Variants in ARHGAP42 observed in about 807,000 individuals in gnomAD.
The protein encoded by ARHGAP42 is Rho GTPase activating protein 42.
Under a neutral mutation model 125.0 loss-of-function variants are expected in ARHGAP42, and 63 were observed. The observed-to-expected ratio is 0.50, with a 90% CI of 0.41 to 0.62. The LOEUF (loss-of-function observed/expected upper bound fraction) is 0.62. Among genes scored for constraint, ARHGAP42 ranks in the 20% least tolerant of loss-of-function variants. ARHGAP42 has a pLI of 0.00. For synonymous variants in ARHGAP42, 339 were observed against 351.0 expected (o/e 0.97, Z 0.38); for missense variants, 766 against 1,024.2 (o/e 0.75, Z 3.44).
At chr11:100,883,901 A>G (rs1866020694) in intron 4 of ARHGAP42, among the ~76,000 whole-genome samples, 2 of 152,184 alleles carry the variant, frequency 1.3e-5, no homozygotes, top group African/African-American at 4.8e-5. Flanking sequence ...GTGTATTTTT[A>G]GAAGTTGGTA....
intron 3 of ARHGAP42, among the ~76,000 whole-genome samples, chr11:100,807,405 A>G (rs2135053402): frequency 6.6e-6 from 1 of 152,188 alleles, no homozygotes; most frequent in African/African-American, 2.4e-5. Context: ...CACGTTGGCA[A>G]GGTTGGTCTC....
In ARHGAP42 at chr11:100,715,847, A is replaced by C. The variant is rs371518717; in HGVS notation, c.154+28015A>C. Among the ~76,000 whole-genome samples, 3 of 152,334 alleles carry C rather than the reference A, an allele frequency of 2.0e-5. 1 individual carries two copies. Reference sequence around the variant, plus strand: ...GAAGCAATGATTTATATTCTTAGGAAGCTTACAACGAAACATAATACAGAT... The same window carrying C: ...GAAGCAATGATTTATATTCTTAGGACGCTTACAACGAAACATAATACAGAT... On this transcript the variant is annotated intron_variant, in intron 1 of 23. Coordinates refer to ENST00000298815, the MANE Select transcript of ARHGAP42 (RefSeq NM_152432.4).
chr11:100,920,854 C>G (rs1183185407), intron 5 of ARHGAP42, among the ~76,000 whole-genome samples: 2 of 151,964 alleles, frequency 1.3e-5, no homozygotes, highest in Non-Finnish European at 2.9e-5. Context: ...CCAGTATTAC[C>G]TAAGATCTTA....
intron 3 of ARHGAP42, among the ~76,000 whole-genome samples, chr11:100,831,305 G>A (rs886758306): frequency 3.3e-5 from 5 of 152,034 alleles, no homozygotes; most frequent in Non-Finnish European, 5.9e-5. Context: ...TATTAAACAA[G>A]GTTTTCATTA....
At chr11:100,948,556 A>G (rs1310603992) in intron 11 of ARHGAP42, 21 bp downstream of exon 11, 4 of 1,528,108 alleles carry the variant, frequency 2.6e-6, no homozygotes, top group East Asian at 4.9e-5. Context: ...GACACATTCT[A>G]TAATTTAGGT....
chr11:100,743,791 G>A (rs370846843), intron 1 of ARHGAP42, among the ~76,000 whole-genome samples: 10 of 152,224 alleles, frequency 6.6e-5, no homozygotes, highest in African/African-American at 2.4e-4. Context: ...TTATTTGAGT[G>A]GGTTAATTTG....
chr11:100,822,330 C>T (rs943143891), intron 3 of ARHGAP42, among the ~76,000 whole-genome samples: 51 of 152,076 alleles, frequency 3.4e-4, no homozygotes, highest in Admixed American at 2.8e-3. Context: ...ATTTTTCTAT[C>T]ATTAGTGTCC....
intron 1 of ARHGAP42, 49 bp from the exon 2 acceptor site, chr11:100,770,294 T>G (rs892235472): frequency 8.1e-7 from 1 of 1,240,170 alleles, no homozygotes; most frequent in African/African-American, 1.5e-5. Flanking sequence ...CTCATTCGGA[T>G]TCAGTGGAAC....
chr11:100,854,951 G>A (rs771549017), intron 3 of ARHGAP42, among the ~76,000 whole-genome samples: 5 of 152,076 alleles, frequency 3.3e-5, no homozygotes, highest in African/African-American at 7.2e-5. Flanking sequence ...CGTCGAAGAC[G>A]GTGTAGATAG....
At chr11:100,811,964 AT>A (rs1290078065) in intron 3 of ARHGAP42, among the ~76,000 whole-genome samples, 1 of 152,018 alleles carries the variant, frequency 6.6e-6, no homozygotes, top group Non-Finnish European at 1.5e-5. Flanking sequence ...TTAATGTTAT[AT>A]TTTTATTGCT....
rs1858790622 is a variant in ARHGAP42, at chr11:100,990,039, T to C, written c.*1238T>C. On this transcript the variant is annotated 3_prime_UTR_variant, in exon 24 of 24. Coordinates refer to ENST00000298815, the MANE Select transcript of ARHGAP42 (RefSeq NM_152432.4). ...TCAGTGAATTTGTAGAGCATAGTAA[T>C]AGGTATTTACTGTCCACTTATATAT... The C allele has an allele frequency of 6.6e-6, 1 of 152,222 alleles. No individual in the cohort carries two copies. The highest frequency in any genetic ancestry group is 2.1e-4 in the South Asian group (1 of 4,836). 9.4% of individuals were successfully genotyped at this position (152,222 alleles called of 1,614,324 possible). A position where few individuals can be genotyped will look rare whatever the true frequency, so the allele number is the denominator to read the frequency against.
chr11:100,713,547 T>C (rs1861599223), intron 1 of ARHGAP42, among the ~76,000 whole-genome samples: 1 of 152,202 alleles, frequency 6.6e-6, no homozygotes, highest in South Asian at 2.1e-4. Context: ...ATTAATTCAT[T>C]TTTCAGCTAA....
At chr11:100,944,713 G>A (rs1468320307) in intron 10 of ARHGAP42, among the ~76,000 whole-genome samples, 2 of 151,972 alleles carry the variant, frequency 1.3e-5, no homozygotes, top group Non-Finnish European at 2.9e-5. Context: ...TCCATTAAGT[G>A]TGCAATAGCA....
chr11:100,785,490 G>A (rs900624784), intron 2 of ARHGAP42, among the ~76,000 whole-genome samples: 1 of 152,206 alleles, frequency 6.6e-6, no homozygotes, highest in African/African-American at 2.4e-5. Flanking sequence ...TTGTGGGTGT[G>A]TGAATTACAG....
At chr11:100,707,121 T>A (rs188210698) in intron 1 of ARHGAP42, among the ~76,000 whole-genome samples, 5 of 152,358 alleles carry the variant, frequency 3.3e-5, no homozygotes, top group African/African-American at 1.2e-4. Flanking sequence ...GATATATGAA[T>A]GCACCAAATT....
chr11:100,698,211 G>A (rs1024464737), intron 1 of ARHGAP42, among the ~76,000 whole-genome samples: 1 of 152,062 alleles, frequency 6.6e-6, no homozygotes, highest in Middle Eastern at 3.2e-3. Flanking sequence ...TTAAAAGTTG[G>A]TTGTAATCCC....
At chr11:100,962,824 C>T (rs1338066854) in intron 16 of ARHGAP42, among the ~76,000 whole-genome samples, 2 of 151,872 alleles carry the variant, frequency 1.3e-5, no homozygotes, top group Non-Finnish European at 1.5e-5. Context: ...TATGGTGAGT[C>T]GAGATCGCGC....
At chr11:100,781,338 G>T (rs1056836745) in intron 2 of ARHGAP42, among the ~76,000 whole-genome samples, 1 of 151,756 alleles carries the variant, frequency 6.6e-6, no homozygotes, top group Non-Finnish European at 1.5e-5. Flanking sequence ...AGAAATGTTG[G>T]CTTGGTTTCC....
At chr11:100,770,238 G>A (rs1862940793) in intron 1 of ARHGAP42, 105 bp from the exon 2 acceptor site, 2 of 771,800 alleles carry the variant, frequency 2.6e-6, no homozygotes, top group East Asian at 2.8e-5. Flanking sequence ...AAGGATTCTG[G>A]TTCATATAAT....
Sources: gnomAD v4.1 joint callset for allele counts (sites outside exome capture counted in the v4.1 genomes callset) on GRCh38, gnomAD v4.1.1 for gene constraint, MANE v1.5 for transcripts, NCBI Gene and HGNC (gene_info 2026-07-23, HGNC 2026-07-21) for gene names.